The following DOCK1 variants were observed in gnomAD, a reference collection of about 807,000 sequenced individuals.
The protein encoded by DOCK1 is dedicator of cytokinesis 1, also known as dedicator of cytokinesis protein 1.
Under a neutral mutation model 262.7 loss-of-function variants are expected in DOCK1, and 138 were observed. That is an observed-to-expected ratio of 0.53 (90% confidence interval 0.46 to 0.61). The LOEUF is 0.61. Among genes scored for constraint, DOCK1 ranks in the 20% least tolerant of loss-of-function variants. The pLI is 0.00. For synonymous variants in DOCK1, 866 were observed against 867.4 expected, an observed-to-expected ratio of 1.00 and a Z score of 0.03; for missense variants, 1,908 against 2,370.7, an observed-to-expected ratio of 0.80 and a Z score of 4.05.
intron 40 of DOCK1, among the ~76,000 whole-genome samples, chr10:127,405,028 T>C (rs1361359034): frequency 6.6e-6 from 1 of 152,254 alleles, no homozygotes; most frequent in East Asian, 1.9e-4. Flanking sequence ...GTCAGAACTT[T>C]ATCCTTTTTG....
chr10:126,947,089 G>A (rs1227836889), intron 1 of DOCK1, among the ~76,000 whole-genome samples: 1 of 152,210 alleles, frequency 6.6e-6, no homozygotes, highest in Non-Finnish European at 1.5e-5. Context: ...CCTGCTCTTT[G>A]CCTCAGTCTT....
At chr10:127,043,246 C>A in intron 21 of DOCK1, 82 bp downstream of exon 21, 1 of 1,120,042 alleles carries the variant, frequency 8.9e-7, no homozygotes, top group Non-Finnish European at 1.3e-6. Context: ...GTACTTTTGT[C>A]TATGACTGTG....
At chr10:127,061,562 A>C in intron 22 of DOCK1, 106 bp from the exon 23 acceptor site, 1 of 951,612 alleles carries the variant, frequency 1.1e-6, no homozygotes. Context: ...GTGGTCTCTC[A>C]TTCTAACTTG....
chr10:127,255,585 AC>A (rs982124322), intron 28 of DOCK1, among the ~76,000 whole-genome samples: 19 of 152,288 alleles, frequency 1.2e-4, no homozygotes, highest in Non-Finnish European at 2.4e-4. Flanking sequence ...TATGCAGAAA[AC>A]AAGGACGCCT....
In DOCK1 at chr10:127,356,662, G is replaced by C. The variant is rs144237929; in HGVS notation, c.3283+1935G>C. On this transcript the variant is annotated intron_variant, in intron 32 of 51. Transcript: ENST00000623213. ...AGGGCTTTCACAGCAATGGCATGGA[G>C]GGGGGCTGTTCTCTGTTGGAACTCA... Among the ~76,000 whole-genome samples the C allele has an allele frequency of 7.3e-4, 111 of 152,194 alleles. 1 individual carries two copies. The highest frequency in any genetic ancestry group is 2.5e-3 in the African/African-American group (104 of 41,518).
chr10:127,417,700 C>T (rs566920050), intron 44 of DOCK1, among the ~76,000 whole-genome samples: 67 of 152,236 alleles, frequency 4.4e-4, no homozygotes, highest in African/African-American at 1.5e-3. Flanking sequence ...CTTAGCCTCC[C>T]GAGTAGCTGG....
chr10:126,942,530 C>G (rs1252160120), intron 1 of DOCK1, among the ~76,000 whole-genome samples: 1 of 152,028 alleles, frequency 6.6e-6, no homozygotes. Flanking sequence ...CGTTAGAATG[C>G]GAGAGGAATG....
At chr10:127,196,520 A>T (rs2057164764) in intron 27 of DOCK1, among the ~76,000 whole-genome samples, 1 of 147,204 alleles carries the variant, frequency 6.8e-6, no homozygotes, top group Non-Finnish European at 1.5e-5. Flanking sequence ...CCGGGCGGCC[A>T]GAGGCGAGGG....
At chr10:127,174,792 T>C (rs1016025397) in intron 27 of DOCK1, among the ~76,000 whole-genome samples, 4 of 152,240 alleles carry the variant, frequency 2.6e-5, no homozygotes, top group Non-Finnish European at 5.9e-5. Context: ...CACATGAAAT[T>C]TCCTTTCTCT....
intron 28 of DOCK1, among the ~76,000 whole-genome samples, chr10:127,251,801 T>G (rs1182246722): frequency 6.8e-6 from 1 of 146,064 alleles, no homozygotes. Context: ...TTTGGGTTGG[T>G]TCCAAGTCTT....
In DOCK1 at chr10:127,374,071, T is replaced by G. The variant is rs778273756; in HGVS notation, c.3532T>G (p.Cys1178Gly). 1.6e-5 allele frequency: 26 copies of G among 1,612,364 alleles called. No homozygotes were observed. The highest frequency in any genetic ancestry group is 2.2e-5 in the Non-Finnish European group (26 of 1,179,188). The change falls in exon 35 of 52, where the codon TGC becomes GGC. Residue 1178 changes from cysteine to glycine, a missense_variant. Physicochemically the swap from Cys to Gly is radical, Grantham distance 159 (BLOSUM62 -3). Coordinates refer to ENST00000623213, the MANE Select transcript of DOCK1 (RefSeq NM_001290223.2). ...ATTATTTTTCAGCCTTCTGGAACAC[T>G]GCAGGAAGCACAAATACCTCGCCAA... ...VLFDKILLEHCRKHKYLAKTG... is the reference protein window; with the variant it reads ...VLFDKILLEHGRKHKYLAKTG...
intron 1 of DOCK1, among the ~76,000 whole-genome samples, chr10:126,905,860 C>T (rs1363055619): frequency 2.6e-5 from 4 of 152,008 alleles, no homozygotes; most frequent in Admixed American, 2.0e-4. Flanking sequence ...CTCCTCTGGA[C>T]CTCTGCCGTG....
chr10:127,092,733 T>C (rs1411090210), intron 23 of DOCK1, among the ~76,000 whole-genome samples: 2 of 152,336 alleles, frequency 1.3e-5, no homozygotes, highest in East Asian at 3.9e-4. Context: ...TCCGCCTGCC[T>C]CAGTCTCCCA....
chr10:126,959,138 A>G (rs1172818519), intron 1 of DOCK1, among the ~76,000 whole-genome samples: 1 of 152,226 alleles, frequency 6.6e-6, no homozygotes, highest in Non-Finnish European at 1.5e-5. Flanking sequence ...AGTTCAAGTT[A>G]AGATAAAGAT....
chr10:127,336,004 C>G (rs930390929), intron 29 of DOCK1, among the ~76,000 whole-genome samples: 1 of 152,016 alleles, frequency 6.6e-6, no homozygotes, highest in African/African-American at 2.4e-5. Context: ...GTGTGAGCCA[C>G]CATGCCCAGC....
At chr10:127,158,077 A>C (rs1180710933) in intron 27 of DOCK1, among the ~76,000 whole-genome samples, 1 of 152,194 alleles carries the variant, frequency 6.6e-6, no homozygotes, top group Non-Finnish European at 1.5e-5. Context: ...TTCACTGATA[A>C]TTTTATGGTC....
At chr10:127,329,782 T>C (rs531134406) in intron 29 of DOCK1, among the ~76,000 whole-genome samples, 1 of 152,108 alleles carries the variant, frequency 6.6e-6, no homozygotes, top group East Asian at 1.9e-4. Context: ...CGAGGCAGGA[T>C]TGGGAGGAGG....
intron 23 of DOCK1, among the ~76,000 whole-genome samples, chr10:127,063,854 TAA>T (rs937616347): frequency 5.3e-5 from 8 of 152,338 alleles, no homozygotes; most frequent in Admixed American, 3.3e-4. Context: ...TGTTTTATTA[TAA>T]GACACAAGTG....
intron 15 of DOCK1, 38 bp from the exon 16 acceptor site, chr10:127,026,314 T>C (rs373676965): frequency 1.3e-6 from 2 of 1,538,174 alleles, no homozygotes; most frequent in South Asian, 1.2e-5. Flanking sequence ...TGGATGATAT[T>C]GATAACAGTG....
Sources: allele counts gnomAD v4.1 joint callset (sites outside exome capture counted in the v4.1 genomes callset), GRCh38; gene constraint gnomAD v4.1.1; transcripts MANE v1.5; gene names NCBI Gene and HGNC (gene_info 2026-07-23, HGNC 2026-07-21).